LRIF1: variants seen among roughly 807,000 people sequenced by gnomAD.
LRIF1 encodes ligand dependent nuclear receptor interacting factor 1, also known as ligand-dependent nuclear receptor-interacting factor 1.
In LRIF1, 32 loss-of-function variants were observed where a neutral mutation model predicts 52.7. That is an observed-to-expected ratio of 0.61 (90% CI 0.46 to 0.82). The LOEUF (loss-of-function observed/expected upper bound fraction) is 0.82, where lower values mean the gene tolerates loss of function less well. Among genes scored for constraint, LRIF1 ranks in the 40% least tolerant of loss-of-function variants. LRIF1 has a pLI of 0.00. For synonymous variants in LRIF1, 323 were observed against 317.4 expected (o/e 1.02, Z -0.19); for missense variants, 887 against 892.0 (o/e 0.99, Z 0.07).
chr1:110,885,110 A>G, the LRIF1 span, among the ~76,000 whole-genome samples: 471 of 152,100 alleles, frequency 3.1e-3, 2 homozygotes, highest in African/African-American at 0.011. Flanking sequence ...TGAGATTTCC[A>G]CTTTACATAT....
chr1:110,902,620 G>A, the LRIF1 span, among the ~76,000 whole-genome samples: 1 of 151,372 alleles, frequency 6.6e-6, no homozygotes, highest in Non-Finnish European at 1.5e-5. Context: ...AATACAAGAA[G>A]GATCAAAGAG....
chr1:110,933,299 A>G, the LRIF1 span, among the ~76,000 whole-genome samples: 1 of 152,286 alleles, frequency 6.6e-6, no homozygotes, highest in African/African-American at 2.4e-5. Flanking sequence ...GGCTCCACCA[A>G]TGGTCCCTGC....
At chr1:110,933,793 G>A in the LRIF1 span, among the ~76,000 whole-genome samples, 2 of 152,146 alleles carry the variant, frequency 1.3e-5, no homozygotes, top group Admixed American at 1.3e-4. Context: ...GTGAGTCCAT[G>A]TGCTGAACTG....
chr1:110,934,694 G>C, the LRIF1 span, among the ~76,000 whole-genome samples: 2 of 152,320 alleles, frequency 1.3e-5, no homozygotes, highest in Middle Eastern at 3.4e-3. Flanking sequence ...ACACCAGGTA[G>C]ATGTCTAAGG....
the LRIF1 span, among the ~76,000 whole-genome samples, chr1:110,888,010 A>G: frequency 0.43 from 66,103 of 151,964 alleles, 15,834 homozygotes; most frequent in Admixed American, 0.56. Flanking sequence ...ATGAAGCAGG[A>G]GATAAGAGTG....
chr1:110,955,401 T>C (rs1238376013), intron 1 of LRIF1, among the ~76,000 whole-genome samples: 1 of 152,196 alleles, frequency 6.6e-6, no homozygotes, highest in East Asian at 1.9e-4. Context: ...TCCAATCATA[T>C]CTTCTACCTT....
chr1:110,935,806 C>T, the LRIF1 span, among the ~76,000 whole-genome samples: 1 of 151,966 alleles, frequency 6.6e-6, no homozygotes, highest in African/African-American at 2.4e-5. Flanking sequence ...TAGAGAACTT[C>T]CCAAACCTAG....
At chr1:110,886,869 A>ATATATATATATTTTTTT in the LRIF1 span, among the ~76,000 whole-genome samples, 1 of 82,794 alleles carries the variant, frequency 1.2e-5, no homozygotes, top group Non-Finnish European at 2.2e-5. Context: ...ATATATATAT[A>ATATATATATATTTTTTT]TTTTTTTTTT....
the LRIF1 span, among the ~76,000 whole-genome samples, chr1:110,907,135 G>A: frequency 1.2e-4 from 18 of 152,214 alleles, no homozygotes; most frequent in African/African-American, 3.6e-4. Context: ...GCCTAAGGTC[G>A]TGTCTTGAAA....
the LRIF1 span, among the ~76,000 whole-genome samples, chr1:110,932,165 G>T: frequency 6.6e-6 from 1 of 152,212 alleles, no homozygotes; most frequent in South Asian, 2.1e-4. Context: ...TTTGAATACG[G>T]TGTAAGTAAG....
At chr1:110,953,044 CCTAAGA>C (rs1429805660) in intron 1 of LRIF1, 2 of 196,890 alleles carry the variant, frequency 1.0e-5, no homozygotes. Flanking sequence ...AACATTTATT[CCTAAGA>C]CTAAAAGTAG....
At chr1:110,892,599 G>A in the LRIF1 span, 4 of 1,305,150 alleles carry the variant, frequency 3.1e-6, no homozygotes, top group African/African-American at 1.5e-5. Flanking sequence ...CAGGCAAGAT[G>A]TTTCTTGGTA....
At chr1:110,884,413 T>C in the LRIF1 span, among the ~76,000 whole-genome samples, 1 of 152,264 alleles carries the variant, frequency 6.6e-6, no homozygotes, top group South Asian at 2.1e-4. Flanking sequence ...AAATGTTTCA[T>C]GTAACCTTGA....
chr1:110,951,315 CTG>C lies in LRIF1; in HGVS notation c.1567_1568del (p.Gln523ValfsTer12), dbSNP rs1557838664. 6.2e-7 allele frequency: 1 copy of C among 1,613,502 alleles called. No individual in the cohort carries two copies. The highest frequency in any genetic ancestry group is 1.7e-5 in the Admixed American group (1 of 59,970). On this transcript the variant is annotated frameshift_variant, in exon 2 of 4. Coordinates refer to ENST00000369763, the MANE Select transcript of LRIF1 (RefSeq NM_018372.4). LOFTEE classifies it high-confidence loss of function. ...TTGGTTCTTGGTCTCTGAAAACACA[CTG>C]TTGTGAAGTAACAGTTGTTGCATCA... ...SVDATTVTSQQCVFRDQEPKI... is the reference protein window; with the variant it reads ...SVDATTVTSQXCVFRDQEPKI...
the LRIF1 span, among the ~76,000 whole-genome samples, chr1:110,934,009 A>G: frequency 6.6e-6 from 1 of 152,138 alleles, no homozygotes; most frequent in African/African-American, 2.4e-5. Context: ...TCAGCCACAG[A>G]AGGATGGGGC....
At chr1:110,908,781 T>C in the LRIF1 span, among the ~76,000 whole-genome samples, 1 of 152,084 alleles carries the variant, frequency 6.6e-6, no homozygotes, top group Non-Finnish European at 1.5e-5. Flanking sequence ...TTGAAAGAGA[T>C]TGAGAGAGAG....
At chr1:110,951,066 C>T (rs1460478931) in intron 2 of LRIF1, among the ~76,000 whole-genome samples, 1 of 152,080 alleles carries the variant, frequency 6.6e-6, no homozygotes, top group Non-Finnish European at 1.5e-5. Context: ...CCAAGTGATT[C>T]AAGAGAAAGA....
chr1:110,957,539 T>A (rs1658757406), intron 1 of LRIF1, among the ~76,000 whole-genome samples: 1 of 151,312 alleles, frequency 6.6e-6, no homozygotes. Context: ...CTATCTTCTT[T>A]GGAATAATGA....
chr1:110,948,029 C>G lies in LRIF1; in HGVS notation c.2240G>C (p.Arg747Thr), dbSNP rs758281136. ...TTTCTCTCTCAGCACCTGCTTAAGT[C>G]TTCTTATTTTTTCATCTCGAATGGT... ...EETIRDEKIR[R>T]LKQVLREKEA... Residue 747 changes from arginine (R) to threonine (T), a missense_variant, in exon 4 of 4, where the codon AGA becomes ACA. Arg to Thr is a moderately conservative substitution (Grantham distance 71). Transcript: ENST00000369763. 11 of 1,612,936 alleles carry G rather than the reference C, an allele frequency of 6.8e-6. No individual in the cohort carries two copies. The South Asian group carries it at 1.2e-4, about 18-fold the overall frequency.
Sources: gnomAD v4.1 joint callset for allele counts (sites outside exome capture counted in the v4.1 genomes callset) on GRCh38, gnomAD v4.1.1 for gene constraint, MANE v1.5 for transcripts, NCBI Gene and HGNC (gene_info 2026-07-23, HGNC 2026-07-21) for gene names.